ADCY10: variants seen among roughly 807,000 people sequenced by gnomAD.
ADCY10 encodes the protein adenylate cyclase type 10.
In ADCY10, 156 loss-of-function variants were observed where a neutral mutation model predicts 183.3. The observed-to-expected ratio is 0.85, with a 90% CI of 0.75 to 0.97. The LOEUF is 0.97. Among genes scored for constraint, ADCY10 ranks in the 50% least tolerant of loss-of-function variants. The pLI is 0.00. For missense variants in ADCY10, 1,745 were observed against 1,934.3 expected (o/e 0.90, Z 1.84); for synonymous variants, 645 against 670.0 (o/e 0.96, Z 0.58).
At chr1:167,837,394 A>C in intron 21 of ADCY10, 76 bp from the exon 22 acceptor site, 2 of 1,328,164 alleles carry the variant, frequency 1.5e-6, no homozygotes, top group Non-Finnish European at 2.2e-6. Context: ...TCTACCCAAG[A>C]CTCTTGTTCC....
At chr1:167,856,549 C>T in intron 16 of ADCY10, 110 bp from the exon 17 acceptor site, 3 of 1,063,494 alleles carry the variant, frequency 2.8e-6, no homozygotes, top group Non-Finnish European at 4.3e-6. Context: ...GCTTATGATG[C>T]AGCGAAAGAA....
At chr1:167,868,186 C>T (rs908810153) in intron 14 of ADCY10, among the ~76,000 whole-genome samples, 6 of 152,062 alleles carry the variant, frequency 3.9e-5, no homozygotes, top group African/African-American at 1.2e-4. Flanking sequence ...TGCAATTAGC[C>T]GAGCATGTAG....
Position 167,846,041 on chromosome 1 carries a change from T to A in ADCY10, c.2660A>T (p.Asp887Val). ...ACGATAGTGCACCTCAAATGAGGGA[T>A]CATTCTGTTTCAGGGCCTTTTGAAG... ...KELQKALKQN[D>V]PSFEVHYRSL... The change falls in exon 20 of 33, where the codon GAT becomes GTT. Residue 887 changes from aspartate to valine, a missense_variant. Coordinates refer to ENST00000367851, the MANE Select transcript of ADCY10 (RefSeq NM_018417.6). 1 of 1,614,198 alleles carries A rather than the reference T, an allele frequency of 6.2e-7. No homozygotes were observed. The highest frequency in any genetic ancestry group is 8.5e-7 in the Non-Finnish European group (1 of 1,180,022).
chr1:167,908,155 GT>G (rs1669934498), intron 1 of ADCY10, among the ~76,000 whole-genome samples: 1 of 152,114 alleles, frequency 6.6e-6, no homozygotes, highest in South Asian at 2.1e-4. Flanking sequence ...CAACCTAATT[GT>G]TCATCAACAT....
intron 1 of ADCY10, among the ~76,000 whole-genome samples, chr1:167,905,423 G>A (rs1205914312): frequency 5.3e-5 from 8 of 152,216 alleles, no homozygotes; most frequent in African/African-American, 1.9e-4. Flanking sequence ...AGGCTGGGGT[G>A]AAAGAGGGTA....
intron 1 of ADCY10, among the ~76,000 whole-genome samples, chr1:167,913,756 G>T (rs1670297436): frequency 6.6e-6 from 1 of 151,974 alleles, no homozygotes; most frequent in African/African-American, 2.4e-5. Context: ...AAGTAAGCTA[G>T]AAAGACAGAG....
chr1:167,880,574 C>T lies in ADCY10; in HGVS notation c.1056G>A (p.Gly352=). ...CSFLCVFGFP[G]EKVPDELTHA... ...GAGTGAGCTCGTCAGGTACCTTTTC[C>T]CCAGGGAAGCCAAAGACACAGAGGA... The change falls in exon 10 of 33, where the codon GGG becomes GGA. Residue 352 remains glycine, a synonymous_variant. Transcript: ENST00000367851. The T allele has an allele frequency of 1.2e-6, 2 of 1,614,056 alleles. No individual in the cohort carries two copies. The highest frequency in any genetic ancestry group is 1.1e-5 in the South Asian group (1 of 91,076).
At chr1:167,826,350 T>A (rs974831500) in intron 26 of ADCY10, among the ~76,000 whole-genome samples, 2 of 152,224 alleles carry the variant, frequency 1.3e-5, no homozygotes, top group African/African-American at 4.8e-5. Flanking sequence ...ATAAAGCTCC[T>A]TGTTTATGCG....
intron 1 of ADCY10, among the ~76,000 whole-genome samples, chr1:167,905,610 A>G (rs1263454372): frequency 2.6e-5 from 4 of 152,102 alleles, no homozygotes; most frequent in African/African-American, 9.7e-5. Context: ...AAAAAAAAAA[A>G]AAGTGTAGAT....
Position 167,817,719 on chromosome 1 carries a change from A to G in ADCY10, c.4482+353T>C, listed in dbSNP as rs1662616154. On this transcript the variant is annotated intron_variant, in intron 31 of 32. Coordinates refer to ENST00000367851, the MANE Select transcript of ADCY10 (RefSeq NM_018417.6). ...AATAATAATTAGGCCATACAATCAT[A>G]TATCTGTAAGATAAAGTACCATGCT... Among the ~76,000 whole-genome samples, 3 of 152,270 alleles carry G rather than the reference A, an allele frequency of 2.0e-5. No homozygotes were observed. The South Asian group carries it at 6.2e-4, about 31-fold the overall frequency.
chr1:167,901,499 G>A (rs1669419835), intron 5 of ADCY10, among the ~76,000 whole-genome samples, 163 bp downstream of exon 5: 1 of 152,122 alleles, frequency 6.6e-6, no homozygotes, highest in South Asian at 2.1e-4. Flanking sequence ...ACTGGTATGT[G>A]AGGAAGCCAA....
At chr1:167,851,589 G>A (rs989144164) in intron 18 of ADCY10, among the ~76,000 whole-genome samples, 1 of 152,124 alleles carries the variant, frequency 6.6e-6, no homozygotes, top group Non-Finnish European at 1.5e-5. Context: ...TTGGGAGGCC[G>A]AGGTGGGTGG....
At position 167,846,219 on chromosome 1, in the gene ADCY10, T is replaced by C; in HGVS notation, c.2482A>G (p.Met828Val). The C allele has an allele frequency of 6.2e-7, 1 of 1,614,130 alleles. No homozygotes were observed. The highest frequency in any genetic ancestry group is 8.5e-7 in the Non-Finnish European group (1 of 1,180,034). The change falls in exon 20 of 33, where the codon ATG becomes GTG. Residue 828 changes from methionine (M) to valine (V), a missense_variant. Physicochemically the swap from Met to Val is conservative, Grantham distance 21. Coordinates refer to ENST00000367851, the MANE Select transcript of ADCY10 (RefSeq NM_018417.6). The part of the protein sequence containing the change: ...QLDSMRLSHQ[M>V]LVRCAAIIGL... ...ATGATGGCAGCACATCTCACCAGCA[T>C]TTGGTGGGAAAGTCTCATGCTATCC...
intron 16 of ADCY10, among the ~76,000 whole-genome samples, chr1:167,858,378 G>A (rs1251463078): frequency 6.6e-6 from 1 of 151,432 alleles, no homozygotes; most frequent in Non-Finnish European, 1.5e-5. Context: ...CGTGCCTGTA[G>A]TCCCAGCTAG....
chr1:167,862,547 A>G (rs181347061), intron 14 of ADCY10, among the ~76,000 whole-genome samples: 1 of 152,344 alleles, frequency 6.6e-6, no homozygotes, highest in East Asian at 1.9e-4. Context: ...CCTACCCCTG[A>G]GAACTATGAG....
chr1:167,851,959 TA>T (rs374709508), intron 18 of ADCY10, among the ~76,000 whole-genome samples: 8 of 152,366 alleles, frequency 5.3e-5, no homozygotes, highest in African/African-American at 1.7e-4. Flanking sequence ...GTATCATATT[TA>T]TTTTTTTAAT....
intron 17 of ADCY10, 121 bp from the exon 18 acceptor site, chr1:167,854,610 G>C: frequency 7.6e-7 from 1 of 1,318,430 alleles, no homozygotes; most frequent in Non-Finnish European, 1.1e-6. Context: ...GTTTCTGTTT[G>C]TTTTCAGTTT....
chr1:167,899,773 G>A, intron 5 of ADCY10, 145 bp from the exon 6 acceptor site: 1 of 774,834 alleles, frequency 1.3e-6, no homozygotes, highest in East Asian at 2.7e-5. Context: ...TAGGAATTAT[G>A]GCATACCTCT....
At chr1:167,817,621 G>A (rs1348441320) in intron 31 of ADCY10, among the ~76,000 whole-genome samples, 3 of 152,114 alleles carry the variant, frequency 2.0e-5, no homozygotes, top group East Asian at 1.9e-4. Context: ...TTAAATTGTC[G>A]TGTGGAATGA....
Sources: allele counts gnomAD v4.1 joint callset (sites outside exome capture counted in the v4.1 genomes callset), GRCh38; gene constraint gnomAD v4.1.1; transcripts MANE v1.5; gene names NCBI Gene and HGNC (gene_info 2026-07-23, HGNC 2026-07-21).